Variants in STX1A observed in about 807,000 individuals in gnomAD.
STX1A encodes syntaxin-1A.
In STX1A, 4 loss-of-function variants were observed where a neutral mutation model predicts 37.8. That is an observed-to-expected ratio of 0.11 (90% CI 0.05 to 0.24). The LOEUF is 0.24. Ranked by LOEUF, STX1A falls within the 10% of genes least tolerant of loss-of-function variation. The pLI is 1.00. For synonymous variants in STX1A, 135 were observed against 147.4 expected, an observed-to-expected ratio of 0.92 and a Z score of 0.61; for missense variants, 251 against 399.9, an observed-to-expected ratio of 0.63 and a Z score of 3.18.
intron 8 of STX1A, among the ~76,000 whole-genome samples, chr7:73,701,494 C>T (rs1390851557): frequency 1.3e-5 from 2 of 151,758 alleles, no homozygotes; most frequent in African/African-American, 4.8e-5. Context: ...TGCACTCCAG[C>T]CTGATGACAG....
intron 3 of STX1A, 73 bp downstream of exon 3, chr7:73,708,516 G>A: frequency 6.9e-7 from 1 of 1,452,946 alleles, no homozygotes; most frequent in South Asian, 1.2e-5. Context: ...GAGGTCCCGT[G>A]AGGCCTCCCT....
Position 73,702,140 on chromosome 7 carries a change from C to T in STX1A, c.678+705G>A, listed in dbSNP as rs1417883483. On this transcript the variant is annotated intron_variant, in intron 8 of 9. Transcript: ENST00000222812. This position sits in a 1 kb window ranked among gnomAD's most constrained non-coding sequence, Gnocchi z 4.7. ...GGGACCTTAGTGTTGCTGGGGCCAG[C>T]TCTTCATCTCCGCTGCGAAGTCTTC... 1.3e-5 allele frequency among the ~76,000 whole-genome samples: 2 copies of T among 152,176 alleles called. No individual in the cohort carries two copies. Among genetic ancestry groups the T allele is most frequent in the Non-Finnish European group, 2.9e-5 (2 of 68,038 alleles).
chr7:73,712,623 A>C (rs375030243), intron 1 of STX1A, among the ~76,000 whole-genome samples: 6 of 152,128 alleles, frequency 3.9e-5, no homozygotes, highest in African/African-American at 1.4e-4. Context: ...TGTGACAGTG[A>C]GCTCACTAGC....
rs1433620173 is a variant in STX1A at position 73,705,802 on chromosome 7, T to G, written c.209-578A>C. On this transcript the variant is annotated intron_variant, in intron 3 of 9. Transcript: ENST00000222812. This position sits in a 1 kb window ranked among gnomAD's most constrained non-coding sequence, Gnocchi z 5.2. ...GAGGGCAAGGGGTGGATGGCCTGGG[T>G]GGGCGCTGATGTGGGCCCTCAGGTC... 1 of 154,810 alleles carries G rather than the reference T, an allele frequency of 6.5e-6. No individual in the cohort carries two copies. Among genetic ancestry groups the G allele is most frequent in the Non-Finnish European group, 1.4e-5 (1 of 69,928 alleles). The allele number at this position is 154,810 out of a possible 1,614,324, so 9.6% of individuals were successfully genotyped here.
rs1481683557 is a variant in STX1A, at chr7:73,709,841, C to T, written c.31-719G>A. On this transcript the variant is annotated intron_variant, in intron 1 of 9. Transcript: ENST00000222812. The surrounding 1 kb of genome is among the most constrained non-coding windows in gnomAD (Gnocchi z 4.2). ...ACTAAACCCCAGTCCCGAGGTGGCACGGATCAGATCTCTTAGGAATCTCCT... is the reference window on the plus strand; with the variant it reads ...ACTAAACCCCAGTCCCGAGGTGGCATGGATCAGATCTCTTAGGAATCTCCT... 3.9e-5 allele frequency among the ~76,000 whole-genome samples: 6 copies of T among 152,184 alleles called. No homozygotes were observed. The highest frequency in any genetic ancestry group is 9.7e-5 in the African/African-American group (4 of 41,440).
rs1554615674 is a variant in STX1A at position 73,700,515 on chromosome 7, G to C, written c.790-31C>G. The C allele has an allele frequency of 1.9e-6, 3 of 1,611,528 alleles. No individual in the cohort carries two copies. The highest frequency in any genetic ancestry group is 8.5e-7 in the Non-Finnish European group (1 of 1,178,698). On this transcript the variant is annotated intron_variant, in intron 9 of 9. Transcript: ENST00000222812. The surrounding 1 kb of genome is among the most constrained non-coding windows in gnomAD (Gnocchi z 4.4). ...TGGGAAGCGGGCAGGAGAGGCCTCA[G>C]ACAGTGTTGGCGGCAGGTGGGGTGG...
rs1798617178 is a variant in STX1A at position 73,700,628 on chromosome 7, TC to T, written c.789+101del. 1 of 1,524,928 alleles carries T rather than the reference TC, an allele frequency of 6.6e-7. No individual in the cohort carries two copies. Among genetic ancestry groups the T allele is most frequent in the East Asian group, 2.3e-5 (1 of 42,854 alleles). 94.5% of individuals were successfully genotyped at this position (1,524,928 alleles called of 1,614,324 possible). A position where few individuals can be genotyped will look rare whatever the true frequency, so the allele number is the denominator to read the frequency against. ...CTGGGAGGGGGCTGTCATGGGGAGCTCCTGAGAGAAGGGAGAGAGGTGGGAT... is the reference window on the plus strand; with the variant it reads ...CTGGGAGGGGGCTGTCATGGGGAGCTCTGAGAGAAGGGAGAGAGGTGGGAT... On this transcript the variant is annotated intron_variant, in intron 9 of 9. Coordinates refer to ENST00000222812, the MANE Select transcript of STX1A (RefSeq NM_004603.4). This position sits in a 1 kb window ranked among gnomAD's most constrained non-coding sequence, Gnocchi z 4.4.
At position 73,709,831 on chromosome 7, in the gene STX1A, C is replaced by T. The variant is rs186237908; in HGVS notation, c.31-709G>A. Among the ~76,000 whole-genome samples, 7 of 152,324 alleles carry T rather than the reference C, an allele frequency of 4.6e-5. No homozygotes were observed. In the East Asian group the frequency reaches 7.7e-4, roughly 17 times the overall value. ...CCTGGGCACCACTAAACCCCAGTCC[C>T]GAGGTGGCACGGATCAGATCTCTTA... On this transcript the variant is annotated intron_variant, in intron 1 of 9. Transcript: ENST00000222812. This position sits in a 1 kb window ranked among gnomAD's most constrained non-coding sequence, Gnocchi z 4.2.
chr7:73,713,980 C>A (rs2116769382), intron 1 of STX1A, among the ~76,000 whole-genome samples: 1 of 152,342 alleles, frequency 6.6e-6, no homozygotes, highest in Non-Finnish European at 1.5e-5. Context: ...TGGCCAAAAC[C>A]AGGCTCCACC....
chr7:73,711,372 G>A (rs1376298148), intron 1 of STX1A: 1 of 153,582 alleles, frequency 6.5e-6, no homozygotes, highest in Non-Finnish European at 1.5e-5. Flanking sequence ...GGGAGAGGGG[G>A]TAGTTAGGAG....
At chr7:73,704,644 C>A in intron 4 of STX1A, 1 of 604,122 alleles carries the variant, frequency 1.7e-6, no homozygotes, top group Non-Finnish European at 2.9e-6. Flanking sequence ...ACACCCACTC[C>A]AAGCTCTGCG....
chr7:73,714,839 G>A (rs1769608379), intron 1 of STX1A, among the ~76,000 whole-genome samples: 1 of 151,824 alleles, frequency 6.6e-6, no homozygotes, highest in Non-Finnish European at 1.5e-5. Flanking sequence ...AGAATTTATA[G>A]GGGTAGCCGG....
In STX1A at chr7:73,704,418, C is replaced by T; in HGVS notation, c.289G>A (p.Glu97Lys). Residue 97 changes from glutamate to lysine, a missense_variant, in exon 5 of 10, where the codon GAG (glutamate) becomes AAG (lysine). Glu to Lys is a moderately conservative substitution (Grantham distance 56). Around this residue, in one of 2 missense-constraint regions of STX1A, gnomAD observed 214 missense variants for 367.6 expected, o/e 0.58. Coordinates refer to ENST00000222812, the MANE Select transcript of STX1A (RefSeq NM_004603.4). ...NKVRSKLKSI[E>K]QSIEQEEGLN... Reference sequence around the variant, plus strand: ...CCTTCCTCTTGCTCGATGGACTGCTCGATGCCTGGGGGCACAGGTGGCTGC... The same window carrying T: ...CCTTCCTCTTGCTCGATGGACTGCTTGATGCCTGGGGGCACAGGTGGCTGC... The T allele has an allele frequency of 6.2e-7, 1 of 1,614,160 alleles. No individual in the cohort carries two copies. Among genetic ancestry groups the T allele is most frequent in the Non-Finnish European group, 8.5e-7 (1 of 1,180,028 alleles).
intron 7 of STX1A, chr7:73,703,254 T>C: frequency 1.8e-6 from 1 of 569,838 alleles, no homozygotes; most frequent in Non-Finnish European, 3.2e-6. Flanking sequence ...TGACAGTCCT[T>C]ATCACCAGCA....
At chr7:73,701,422 TG>T (rs1198672089) in intron 8 of STX1A, among the ~76,000 whole-genome samples, 6 of 151,764 alleles carry the variant, frequency 4.0e-5, no homozygotes, top group Non-Finnish European at 8.8e-5. Context: ...CTCAGGAGGC[TG>T]AGGCAGGAGA....
At chr7:73,704,622 G>A (rs1798804027) in intron 4 of STX1A, 199 bp from the exon 5 acceptor site, 1 of 644,482 alleles carries the variant, frequency 1.6e-6, no homozygotes, top group Non-Finnish European at 2.7e-6. Flanking sequence ...GTGTGTGCAT[G>A]TGTGTAAATG....
intron 6 of STX1A, 96 bp downstream of exon 6, chr7:73,704,051 TA>T: frequency 8.0e-7 from 1 of 1,248,820 alleles, no homozygotes; most frequent in Non-Finnish European, 1.1e-6. Context: ...CTCGGGCCCC[TA>T]ACTAAGCAGC....
intron 7 of STX1A, 108 bp from the exon 8 acceptor site, chr7:73,703,090 T>C (rs12539475): frequency 0.3 from 266,815 of 888,356 alleles, 46,121 homozygotes; most frequent in South Asian, 0.35. Flanking sequence ...GAAGGGGGCC[T>C]GAGGCTTCCT....
chr7:73,700,493 G>C lies in STX1A; in HGVS notation c.790-9C>G. ...ATGATCATGATTTTCTTCTGCATGGGAAGCGGGCAGGAGAGGCCTCAGACA... is the reference window on the plus strand; with the variant it reads ...ATGATCATGATTTTCTTCTGCATGGCAAGCGGGCAGGAGAGGCCTCAGACA... On this transcript the variant is annotated splice_polypyrimidine_tract_variant and intron_variant, in intron 9 of 9. Coordinates refer to ENST00000222812, the MANE Select transcript of STX1A (RefSeq NM_004603.4). This position sits in a 1 kb window ranked among gnomAD's most constrained non-coding sequence, Gnocchi z 4.4. 1 of 1,613,848 alleles carries C rather than the reference G, an allele frequency of 6.2e-7. No individual in the cohort carries two copies. Among genetic ancestry groups the C allele is most frequent in the South Asian group, 1.1e-5 (1 of 91,056 alleles).
Sources: gnomAD v4.1 joint callset for allele counts (sites outside exome capture counted in the v4.1 genomes callset) on GRCh38, gnomAD v4.1.1 for gene constraint, gnomAD v4.1.1 regional missense constraint, Gnocchi (gnomAD v3.1) non-coding constraint, MANE v1.5 for transcripts, NCBI Gene and HGNC (gene_info 2026-07-23, HGNC 2026-07-21) for gene names.